FSIP2: variants seen among roughly 807,000 people sequenced by gnomAD.
FSIP2 encodes fibrous sheath-interacting protein 2.
A neutral mutation model predicts 510.5 loss-of-function variants in FSIP2; 367 were observed. The ratio of observed to expected loss-of-function variants is 0.72; its 90% confidence interval spans 0.66 to 0.78. FSIP2 has a LOEUF of 0.78. FSIP2 is among the 30% of genes least tolerant of loss of function. The pLI is 0.00. For missense variants in FSIP2, 7,594 were observed against 7,901.7 expected (o/e 0.96, Z 1.48); for synonymous variants, 2,601 against 2,732.2 (o/e 0.95, Z 1.50).
rs764030022 is a variant in FSIP2 at position 185,806,314 on chromosome 2, C to T, written c.17008C>T (p.His5670Tyr). 6.2e-7 allele frequency: 1 copy of T among 1,608,150 alleles called. No individual in the cohort carries two copies. Among genetic ancestry groups the T allele is most frequent in the Non-Finnish European group, 8.5e-7 (1 of 1,177,150 alleles). ...AACACAAACGTGTAGGGATGAGGAA[C>T]ACCACTCAGATTATGAACATGTTCA... ...SPTQTCRDEE[H>Y]HSDYEHVQNV... The change falls in exon 17 of 23, where the codon CAC becomes TAC. Residue 5670 changes from histidine (H) to tyrosine (Y), a missense_variant. Coordinates refer to ENST00000424728, the MANE Select transcript of FSIP2 (RefSeq NM_173651.4).
chr2:185,817,008 AG>A (rs1693840926), intron 19 of FSIP2, among the ~76,000 whole-genome samples: 19 of 82,582 alleles, frequency 2.3e-4, no homozygotes, highest in Admixed American at 1.9e-3. Flanking sequence ...GGAGGGAGAG[AG>A]GGGTGAAGAA....
Position 185,794,956 on chromosome 2 carries a change from ATG to A in FSIP2, c.7822_7823del (p.Val2608ArgfsTer31). 6.5e-7 allele frequency: 1 copy of A among 1,533,356 alleles called. No homozygotes were observed. The highest frequency in any genetic ancestry group is 8.7e-7 in the Non-Finnish European group (1 of 1,144,906). 95.0% of individuals were successfully genotyped at this position (1,533,356 alleles called of 1,614,324 possible). On this transcript the variant is annotated frameshift_variant, in exon 16 of 23. Coordinates refer to ENST00000424728, the MANE Select transcript of FSIP2 (RefSeq NM_173651.4). LOFTEE classifies it high-confidence loss of function. ...TATGCGATATCACAGGCTTATTCTTATGTCGACAGTCAAAATATCTCTGTGAT... is the reference window on the plus strand; with the variant it reads ...TATGCGATATCACAGGCTTATTCTTATCGACAGTCAAAATATCTCTGTGAT...
intron 9 of FSIP2, among the ~76,000 whole-genome samples, chr2:185,758,922 A>G (rs1692297161): frequency 6.6e-6 from 1 of 151,152 alleles, no homozygotes; most frequent in Non-Finnish European, 1.5e-5. Context: ...TAGTTGTTAT[A>G]CTAGGTTGAC....
At chr2:185,828,114 C>T in intron 20 of FSIP2, 42 bp from the exon 21 acceptor site, 1 of 1,113,692 alleles carries the variant, frequency 9.0e-7, no homozygotes, top group South Asian at 1.3e-5. Context: ...ATACATGCCT[C>T]AGAAAGAGAC....
At chr2:185,739,056 G>C in intron 1 of FSIP2, 63 bp downstream of exon 1, 1 of 1,485,488 alleles carries the variant, frequency 6.7e-7, no homozygotes, top group Non-Finnish European at 8.9e-7. Flanking sequence ...GGGGAGCGGG[G>C]CAGGGATCGC....
At chr2:185,779,300 G>GTTT (rs139094717) in intron 13 of FSIP2, among the ~76,000 whole-genome samples, 1 of 148,352 alleles carries the variant, frequency 6.7e-6, no homozygotes, top group Admixed American at 6.7e-5. Flanking sequence ...TTTTTATCTA[G>GTTT]TTTTTTTTTT....
rs1048090741 is a variant in FSIP2 at position 185,803,083 on chromosome 2, G to A, written c.13777G>A (p.Val4593Met). Residue 4593 changes from valine to methionine, a missense_variant, in exon 17 of 23, where the codon GTG becomes ATG. Coordinates refer to ENST00000424728, the MANE Select transcript of FSIP2 (RefSeq NM_173651.4). The stretch of plus-strand genomic sequence containing the variant: ...CTGTCAAAAACATCTTCAGCCATTT[G>A]TGAGTGGAAAATCATTATCTTCATC... Reference protein sequence around the residue: ...HICQKHLQPFVSGKSLSSSDT... With the variant: ...HICQKHLQPFMSGKSLSSSDT... 2 of 1,514,960 alleles carry A rather than the reference G, an allele frequency of 1.3e-6. No homozygotes were observed. The highest frequency in any genetic ancestry group is 1.2e-5 in the South Asian group (1 of 80,162). 93.8% of individuals were successfully genotyped at this position (1,514,960 alleles called of 1,614,324 possible).
chr2:185,828,294 T>C, intron 21 of FSIP2, 95 bp downstream of exon 21: 3 of 719,804 alleles, frequency 4.2e-6, no homozygotes, highest in Non-Finnish European at 7.3e-6. Flanking sequence ...TGTGGTATGA[T>C]TTGAAGGATA....
Position 185,792,599 on chromosome 2 carries a change from A to T in FSIP2, c.5463A>T (p.Thr1821=). Residue 1821 remains threonine (T), a synonymous_variant, in exon 16 of 23, where the codon ACA becomes ACT. Transcript: ENST00000424728. ...PHNVDEPTPQ[T]SVQFMDKMMD... ...ATGTTGATGAGCCAACTCCCCAAAC[A>T]TCTGTTCAATTTATGGATAAAATGA... is the stretch of plus-strand genomic sequence containing the variant. 6.5e-7 allele frequency: 1 copy of T among 1,534,164 alleles called. No homozygotes were observed. The highest frequency in any genetic ancestry group is 8.7e-7 in the Non-Finnish European group (1 of 1,145,542).
intron 14 of FSIP2, among the ~76,000 whole-genome samples, chr2:185,783,313 T>G (rs1362717373): frequency 6.6e-6 from 1 of 152,182 alleles, no homozygotes; most frequent in Non-Finnish European, 1.5e-5. Context: ...ATTTTGTTGA[T>G]GTTTATATCT....
chr2:185,790,428 C>T lies in FSIP2; in HGVS notation c.3292C>T (p.Gln1098Ter). 2.6e-6 allele frequency: 4 copies of T among 1,532,292 alleles called. No individual in the cohort carries two copies. Among genetic ancestry groups the T allele is most frequent in the Non-Finnish European group, 3.5e-6 (4 of 1,145,108 alleles). 94.9% of individuals were successfully genotyped at this position (1,532,292 alleles called of 1,614,324 possible). A position where few individuals can be genotyped will look rare whatever the true frequency, so the allele number is the denominator to read the frequency against. The change falls in exon 16 of 23, where the codon CAA (glutamine) becomes TAA (stop). Residue 1098 changes from glutamine to a stop codon, truncating the protein, a stop_gained. Transcript: ENST00000424728. LOFTEE classifies it high-confidence loss of function. ...NKDISTFSQD[Q>*]KHQIEKASEN... ...AGACATTTCAACTTTCAGCCAAGAT[C>T]AAAAGCATCAAATAGAAAAGGCTTC...
At chr2:185,773,818 A>G (rs1692661399) in intron 13 of FSIP2, among the ~76,000 whole-genome samples, 2 of 152,030 alleles carry the variant, frequency 1.3e-5, no homozygotes, top group Admixed American at 1.3e-4. Context: ...CATGTATTAC[A>G]TATTTTATTG....
In FSIP2 at chr2:185,791,850, G is replaced by T. The variant is rs1693136613; in HGVS notation, c.4714G>T (p.Glu1572Ter). ...GTCTTCCAAAACACCAAGCACAAAA[G>T]AAATGCATCCAAATAAACTAAAAGC... ...PVSSKTPSTK[E>*]MHPNKLKAVA... Residue 1572 changes from glutamate (E) to a stop codon, truncating the protein, a stop_gained, in exon 16 of 23, where the codon GAA (glutamate) becomes TAA (stop). Coordinates refer to ENST00000424728, the MANE Select transcript of FSIP2 (RefSeq NM_173651.4). LOFTEE classifies it high-confidence loss of function. The T allele has an allele frequency of 6.5e-7, 1 of 1,533,632 alleles. No individual in the cohort carries two copies. Among genetic ancestry groups the T allele is most frequent in the Non-Finnish European group, 8.7e-7 (1 of 1,145,412 alleles).
At chr2:185,822,607 CTT>C (rs1228607817) in intron 19 of FSIP2, among the ~76,000 whole-genome samples, 1 of 151,796 alleles carries the variant, frequency 6.6e-6, no homozygotes, top group Admixed American at 6.6e-5. Context: ...GATTGGAAGA[CTT>C]AATATTATTA....
rs1272507268 is a variant in FSIP2, at chr2:185,764,491, G to A, written c.1348-11G>A. 6 of 1,518,652 alleles carry A rather than the reference G, an allele frequency of 4.0e-6. 1 individual carries two copies. The South Asian group carries it at 6.1e-5, about 15-fold the overall frequency. The allele number at this position is 1,518,652 out of a possible 1,614,324, so 94.1% of individuals were successfully genotyped here. Reference sequence around the variant, plus strand: ...GTGGATCTATTTGTTTTGCTGTTGTGAATTATGTAGAAGGAGACAAATGCT... The same window carrying A: ...GTGGATCTATTTGTTTTGCTGTTGTAAATTATGTAGAAGGAGACAAATGCT... On this transcript the variant is annotated splice_polypyrimidine_tract_variant and intron_variant, in intron 12 of 22. Transcript: ENST00000424728.
chr2:185,738,537 T>C (rs1401140364), upstream of FSIP2: 13 of 1,432,240 alleles, frequency 9.1e-6, no homozygotes, highest in Middle Eastern at 1.8e-4. Flanking sequence ...ACAGGGCTCC[T>C]TGGAAGCCAG....
chr2:185,816,515 G>A (rs1336319316), intron 19 of FSIP2, among the ~76,000 whole-genome samples: 5 of 151,650 alleles, frequency 3.3e-5, no homozygotes, highest in East Asian at 3.9e-4. Context: ...TCTGGACAAC[G>A]GTCTGCAGCA....
rs1693121235 is a variant in FSIP2, at chr2:185,791,385, A to G, written c.4249A>G (p.Ser1417Gly). 1.3e-6 allele frequency: 2 copies of G among 1,534,068 alleles called. No individual in the cohort carries two copies. Among genetic ancestry groups the G allele is most frequent in the Non-Finnish European group, 1.7e-6 (2 of 1,145,502 alleles). Residue 1417 changes from serine to glycine, a missense_variant, in exon 16 of 23, where the codon AGT becomes GGT. Ser to Gly is a moderately conservative substitution (Grantham distance 56, BLOSUM62 0). Coordinates refer to ENST00000424728, the MANE Select transcript of FSIP2 (RefSeq NM_173651.4). Reference protein sequence around the residue: ...KYLATPCTHHSVNGGNHIKEN... With the variant: ...KYLATPCTHHGVNGGNHIKEN... ...TTTGGCTACTCCTTGTACTCACCAC[A>G]GTGTCAATGGTGGAAACCATATTAA...
At chr2:185,820,584 C>A (rs1408500806) in intron 19 of FSIP2, among the ~76,000 whole-genome samples, 1 of 151,146 alleles carries the variant, frequency 6.6e-6, no homozygotes, top group Non-Finnish European at 1.5e-5. Flanking sequence ...ATATCTTAGG[C>A]CACAAAATGA....
Sources: allele counts gnomAD v4.1 joint callset (sites outside exome capture counted in the v4.1 genomes callset), GRCh38; gene constraint gnomAD v4.1.1; transcripts MANE v1.5; gene names NCBI Gene and HGNC (gene_info 2026-07-23, HGNC 2026-07-21).